Variants in ZBTB7C observed in about 807,000 individuals in gnomAD.
ZBTB7C encodes zinc finger and BTB domain containing 7C, also known as zinc finger and BTB domain-containing protein 7C.
Under a neutral mutation model 25.7 loss-of-function variants are expected in ZBTB7C, and 8 were observed. That is an observed-to-expected ratio of 0.31 (90% confidence interval 0.18 to 0.56). The LOEUF (loss-of-function observed/expected upper bound fraction) is 0.56, where lower values mean the gene tolerates loss of function less well. Among genes scored for constraint, ZBTB7C ranks in the 20% least tolerant of loss-of-function variants. ZBTB7C has a pLI of 0.91. For missense variants in ZBTB7C, 824 were observed against 855.2 expected, an observed-to-expected ratio of 0.96 and a Z score of 0.46; for synonymous variants, 394 against 369.0, an observed-to-expected ratio of 1.07 and a Z score of -0.78.
intron 1 of ZBTB7C, among the ~76,000 whole-genome samples, chr18:48,401,430 T>C (rs915364510): frequency 1.1e-4 from 17 of 152,146 alleles, no homozygotes; most frequent in East Asian, 1.9e-4. Context: ...CACCACTGCA[T>C]AGGTGAGGAA....
rs1255865572 is a variant in ZBTB7C at position 48,246,288 on chromosome 18, G to C, written c.-78-60293C>G. Among the ~76,000 whole-genome samples, 3 of 152,090 alleles carry C rather than the reference G, an allele frequency of 2.0e-5. No homozygotes were observed. In the East Asian group the frequency reaches 5.8e-4, roughly 29 times the overall value. ...TAACACAAATACAAAACGTTAGCCG[G>C]GCGTGGTGGCGGGTGCCTGTAGTCC... On this transcript the variant is annotated intron_variant, in intron 2 of 4. Coordinates refer to ENST00000590800, the MANE Select transcript of ZBTB7C (RefSeq NM_001318841.2).
chr18:48,130,099 C>T (rs935889289), intron 3 of ZBTB7C, among the ~76,000 whole-genome samples: 9 of 152,156 alleles, frequency 5.9e-5, no homozygotes, highest in South Asian at 2.1e-4. Context: ...GCCTTACCTA[C>T]GTGCTGTGAA....
At chr18:48,221,676 C>T (rs1323092472) in intron 2 of ZBTB7C, among the ~76,000 whole-genome samples, 4 of 149,644 alleles carry the variant, frequency 2.7e-5, no homozygotes, top group Admixed American at 2.0e-4. Context: ...CTGTCCTAGT[C>T]TCCTCTACAC....
At chr18:48,072,783 T>A (rs1217135017) in intron 3 of ZBTB7C, among the ~76,000 whole-genome samples, 1 of 152,206 alleles carries the variant, frequency 6.6e-6, no homozygotes, top group Non-Finnish European at 1.5e-5. Context: ...CCGCCTGTGA[T>A]GAAGGAGGCA....
At chr18:48,342,793 G>C (rs1409073288) in intron 1 of ZBTB7C, among the ~76,000 whole-genome samples, 1 of 152,134 alleles carries the variant, frequency 6.6e-6, no homozygotes, top group Non-Finnish European at 1.5e-5. Context: ...GCTACCCCTG[G>C]GGAGTGGAAT....
At chr18:48,100,856 C>G (rs1568218108) in intron 3 of ZBTB7C, among the ~76,000 whole-genome samples, 1 of 151,996 alleles carries the variant, frequency 6.6e-6, no homozygotes. Context: ...GCAGATGAGC[C>G]TCTCTGGGAA....
intron 2 of ZBTB7C, among the ~76,000 whole-genome samples, chr18:48,230,621 T>C (rs2043225135): frequency 6.6e-6 from 1 of 151,938 alleles, no homozygotes; most frequent in East Asian, 1.9e-4. Flanking sequence ...GGGATGGACA[T>C]AGGATGGGAA....
chr18:48,123,090 T>C (rs4939733), intron 3 of ZBTB7C, among the ~76,000 whole-genome samples: 23,365 of 152,124 alleles, frequency 0.15, 1,926 homozygotes, highest in South Asian at 0.23. Flanking sequence ...CTGGGTGAGC[T>C]GCCCCCAGAC....
intron 3 of ZBTB7C, among the ~76,000 whole-genome samples, chr18:48,177,662 G>A (rs2041729350): frequency 6.6e-6 from 1 of 152,142 alleles, no homozygotes; most frequent in Non-Finnish European, 1.5e-5. Context: ...GGCCTGGCCT[G>A]TTGAGAACCT....
intron 3 of ZBTB7C, among the ~76,000 whole-genome samples, chr18:48,114,863 A>C (rs1419702905): frequency 1.3e-5 from 2 of 152,238 alleles, no homozygotes; most frequent in Non-Finnish European, 2.9e-5. Flanking sequence ...TGTAAAGTTC[A>C]AATACTGTCA....
intron 2 of ZBTB7C, among the ~76,000 whole-genome samples, chr18:48,189,647 C>T (rs1478749244): frequency 2.0e-5 from 3 of 152,178 alleles, no homozygotes; most frequent in Non-Finnish European, 4.4e-5. Context: ...GTGCCCCTCG[C>T]CTTGGATAGA....
intron 3 of ZBTB7C, among the ~76,000 whole-genome samples, chr18:48,095,768 G>T (rs534213776): frequency 6.6e-6 from 1 of 150,682 alleles, no homozygotes; most frequent in Non-Finnish European, 1.5e-5. Flanking sequence ...GTGAGAGAAT[G>T]GATGAATGAC....
At chr18:48,339,710 T>G (rs1234367499) in intron 1 of ZBTB7C, among the ~76,000 whole-genome samples, 3 of 151,648 alleles carry the variant, frequency 2.0e-5, no homozygotes, top group South Asian at 2.1e-4. Context: ...TGCCCTGCTA[T>G]GGGGGGATGG....
intron 3 of ZBTB7C, chr18:48,185,391 C>A (rs2042030849): frequency 1.0e-5 from 4 of 401,112 alleles, no homozygotes; most frequent in South Asian, 5.6e-5. Flanking sequence ...AAAGCTCCTC[C>A]AAAACAGAGC....
At chr18:48,112,160 C>T (rs911767649) in intron 3 of ZBTB7C, among the ~76,000 whole-genome samples, 10 of 151,740 alleles carry the variant, frequency 6.6e-5, no homozygotes, top group Non-Finnish European at 1.3e-4. Context: ...CAGAATGATC[C>T]CAATTTGTTT....
At chr18:48,048,027 C>A (rs940699276) in intron 3 of ZBTB7C, among the ~76,000 whole-genome samples, 3 of 152,152 alleles carry the variant, frequency 2.0e-5, no homozygotes, top group Non-Finnish European at 4.4e-5. Context: ...CCTGGGAAGT[C>A]CAATTCAAGG....
At chr18:48,128,473 G>A (rs1036452842) in intron 3 of ZBTB7C, among the ~76,000 whole-genome samples, 2 of 152,254 alleles carry the variant, frequency 1.3e-5, no homozygotes, top group Non-Finnish European at 2.9e-5. Flanking sequence ...ATCGACCAAT[G>A]AGTGGATAAA....
chr18:48,210,414 A>G (rs2042675691), intron 2 of ZBTB7C, among the ~76,000 whole-genome samples: 1 of 152,262 alleles, frequency 6.6e-6, no homozygotes, highest in Non-Finnish European at 1.5e-5. Flanking sequence ...ATGTCCATCA[A>G]TTGATGAATG....
intron 2 of ZBTB7C, among the ~76,000 whole-genome samples, chr18:48,235,171 T>A (rs2043347377): frequency 6.6e-6 from 1 of 152,228 alleles, no homozygotes; most frequent in African/African-American, 2.4e-5. Context: ...TTTATTGTAA[T>A]GACTAATAGA....
Sources: allele counts gnomAD v4.1 joint callset (sites outside exome capture counted in the v4.1 genomes callset), GRCh38; gene constraint gnomAD v4.1.1; transcripts MANE v1.5; gene names NCBI Gene and HGNC (gene_info 2026-07-23, HGNC 2026-07-21).